The following TSGA10 variants were observed in gnomAD, a reference collection of about 807,000 sequenced individuals.
TSGA10 encodes testis-specific gene 10 protein.
In TSGA10, 43 loss-of-function variants were observed where a neutral mutation model predicts 96.6. The observed-to-expected ratio is 0.44, with a 90% CI of 0.35 to 0.57. The LOEUF (loss-of-function observed/expected upper bound fraction) is 0.57. Among genes scored for constraint, TSGA10 ranks in the 20% least tolerant of loss-of-function variants. The pLI, the probability that TSGA10 is intolerant of heterozygous loss-of-function variation, is 0.01. For synonymous variants in TSGA10, 229 were observed against 269.9 expected (o/e 0.85, Z 1.48); for missense variants, 703 against 834.4 (o/e 0.84, Z 1.94).
At chr2:99,101,832 A>T (rs1253644143) in intron 10 of TSGA10, among the ~76,000 whole-genome samples, 1 of 152,198 alleles carries the variant, frequency 6.6e-6, no homozygotes, top group African/African-American at 2.4e-5. Context: ...AGATGTCTCT[A>T]AACAGTTAAA....
Position 99,108,857 on chromosome 2 carries a change from G to A in TSGA10, c.186C>T (p.Asp62=). Residue 62 remains aspartate (D), a synonymous_variant, in exon 7 of 21, where the codon GAC becomes GAT. Transcript: ENST00000393483. ...CCTGTTCATAAAGAAGGAAGATCTT[G>A]TCTCTCTCAGATTTAAGAACCTTGA... ...GNVKVLKSER[D]KIFLLYEQAQ... 6.3e-7 allele frequency: 1 copy of A among 1,580,298 alleles called. No individual in the cohort carries two copies. The highest frequency in any genetic ancestry group is 8.5e-7 in the Non-Finnish European group (1 of 1,170,080).
At chr2:99,075,713 T>C (rs1369825566) in intron 12 of TSGA10, among the ~76,000 whole-genome samples, 1 of 152,196 alleles carries the variant, frequency 6.6e-6, no homozygotes, top group Non-Finnish European at 1.5e-5. Flanking sequence ...TATACAAAGT[T>C]CTTGATTTTG....
chr2:99,040,868 A>G (rs913683991), intron 16 of TSGA10, among the ~76,000 whole-genome samples: 1 of 152,218 alleles, frequency 6.6e-6, no homozygotes, highest in Non-Finnish European at 1.5e-5. Context: ...TAAAAATAAA[A>G]TAATAGACAC....
chr2:99,119,748 T>G (rs539530337), intron 2 of TSGA10, among the ~76,000 whole-genome samples: 2 of 152,326 alleles, frequency 1.3e-5, no homozygotes, highest in East Asian at 3.9e-4. Flanking sequence ...TCTAGCAACA[T>G]GCACAGAAAC....
intron 10 of TSGA10, among the ~76,000 whole-genome samples, chr2:99,090,681 T>C (rs2089214374): frequency 1.3e-5 from 2 of 152,104 alleles, no homozygotes; most frequent in Non-Finnish European, 2.9e-5. Context: ...ACTTTAGAGC[T>C]TGAAGACAAG....
chr2:99,153,920 A>G (rs1329700787), intron 1 of TSGA10, among the ~76,000 whole-genome samples: 1 of 152,212 alleles, frequency 6.6e-6, no homozygotes, highest in Non-Finnish European at 1.5e-5. Context: ...TGAAGGAGAG[A>G]TTAATTTCTG....
chr2:99,054,611 TA>T (rs1160355485), intron 16 of TSGA10, among the ~76,000 whole-genome samples: 3 of 152,020 alleles, frequency 2.0e-5, no homozygotes, highest in African/African-American at 7.2e-5. Flanking sequence ...ATACAGCTGA[TA>T]AGGGCTTAAT....
intron 2 of TSGA10, among the ~76,000 whole-genome samples, chr2:99,122,243 C>T (rs779342904): frequency 8.6e-5 from 13 of 151,986 alleles, no homozygotes; most frequent in Non-Finnish European, 1.5e-4. Flanking sequence ...TAGAATTCTA[C>T]GTTGATTTAT....
At chr2:99,032,723 T>C (rs1051067206) in intron 17 of TSGA10, among the ~76,000 whole-genome samples, 11 of 152,182 alleles carry the variant, frequency 7.2e-5, no homozygotes, top group Admixed American at 1.3e-4. Context: ...ATAAGGATAA[T>C]GTCATAAAAT....
chr2:99,070,987 ATACTT>A (rs561509061), intron 14 of TSGA10, among the ~76,000 whole-genome samples: 16 of 152,130 alleles, frequency 1.1e-4, no homozygotes, highest in Non-Finnish European at 1.8e-4. Flanking sequence ...TTTAAACAAA[ATACTT>A]TAACATCTCA....
At chr2:99,135,902 G>C (rs896829242) in intron 1 of TSGA10, among the ~76,000 whole-genome samples, 4 of 151,686 alleles carry the variant, frequency 2.6e-5, no homozygotes, top group African/African-American at 9.7e-5. Context: ...CCAGCTACTC[G>C]AGAGGCTGAG....
At chr2:99,100,689 G>A (rs1055047085) in intron 10 of TSGA10, among the ~76,000 whole-genome samples, 47 of 151,318 alleles carry the variant, frequency 3.1e-4, no homozygotes, top group African/African-American at 9.9e-4. Flanking sequence ...GCGCGGTGGC[G>A]GGCGCCTGTA....
chr2:99,093,290 C>G (rs1473764883), intron 10 of TSGA10, among the ~76,000 whole-genome samples: 1 of 152,068 alleles, frequency 6.6e-6, no homozygotes, highest in East Asian at 1.9e-4. Context: ...TACCCACAGC[C>G]AATATAATAC....
At chr2:99,010,456 G>A (rs746660522) in intron 20 of TSGA10, among the ~76,000 whole-genome samples, 10 of 152,234 alleles carry the variant, frequency 6.6e-5, no homozygotes, top group African/African-American at 1.9e-4. Flanking sequence ...CTCCGAACAC[G>A]TCCCCACTGG....
At chr2:99,146,411 A>G (rs1156320746) in intron 1 of TSGA10, among the ~76,000 whole-genome samples, 2 of 152,162 alleles carry the variant, frequency 1.3e-5, no homozygotes, top group Non-Finnish European at 2.9e-5. Context: ...CACAGAAAAT[A>G]TCTCCTTCCA....
chr2:99,013,360 ATCT>A (rs2079170841), intron 20 of TSGA10, among the ~76,000 whole-genome samples: 2 of 152,016 alleles, frequency 1.3e-5, no homozygotes, highest in South Asian at 4.2e-4. Flanking sequence ...TTGAGATGTA[ATCT>A]TCTCTGTTGC....
At chr2:99,047,798 G>A (rs2082952080) in intron 16 of TSGA10, among the ~76,000 whole-genome samples, 1 of 152,042 alleles carries the variant, frequency 6.6e-6, no homozygotes, top group South Asian at 2.1e-4. Flanking sequence ...TTTGAAGATG[G>A]CATGATTGTA....
intron 2 of TSGA10, chr2:99,126,574 GA>G (rs991615519): frequency 1.3e-5 from 2 of 152,582 alleles, no homozygotes; most frequent in Admixed American, 6.5e-5. Flanking sequence ...CCTGGAAAAA[GA>G]AATCTCTTTT....
intron 17 of TSGA10, among the ~76,000 whole-genome samples, chr2:99,025,694 G>A (rs1465524262): frequency 2.0e-5 from 3 of 152,052 alleles, no homozygotes; most frequent in African/African-American, 7.2e-5. Flanking sequence ...TGACTTAAGA[G>A]TTTTCTTCTT....
Sources: gnomAD v4.1 joint callset for allele counts (sites outside exome capture counted in the v4.1 genomes callset) on GRCh38, gnomAD v4.1.1 for gene constraint, MANE v1.5 for transcripts, NCBI Gene and HGNC (gene_info 2026-07-23, HGNC 2026-07-21) for gene names.